PIK3C2G: variants seen among roughly 807,000 people sequenced by gnomAD.
PIK3C2G encodes phosphatidylinositol-4-phosphate 3-kinase catalytic subunit type 2 gamma, also known as phosphatidylinositol 3-kinase C2 domain-containing subunit gamma.
A neutral mutation model predicts 181.1 loss-of-function variants in PIK3C2G; 168 were observed. That is an observed-to-expected ratio of 0.93 (90% CI 0.82 to 1.05). The LOEUF is 1.05. Ranked by LOEUF, PIK3C2G falls within the 50% of genes least tolerant of loss-of-function variation. PIK3C2G has a pLI of 0.00. For synonymous variants in PIK3C2G, 573 were observed against 592.2 expected, an observed-to-expected ratio of 0.97 and a Z score of 0.47; for missense variants, 1,869 against 1,732.8, an observed-to-expected ratio of 1.08 and a Z score of -1.40.
At chr12:18,533,431 A>C (rs1943662523) in intron 24 of PIK3C2G, among the ~76,000 whole-genome samples, 1 of 151,974 alleles carries the variant, frequency 6.6e-6, no homozygotes, top group African/African-American at 2.4e-5. Context: ...TTTTCTCTGA[A>C]ATATGCTTTT....
At chr12:18,384,102 G>A (rs558787718) in intron 14 of PIK3C2G, among the ~76,000 whole-genome samples, 63 of 151,588 alleles carry the variant, frequency 4.2e-4, no homozygotes, top group South Asian at 1.3e-3. Flanking sequence ...GATTACAGGC[G>A]TGAGCCACTG....
intron 11 of PIK3C2G, among the ~76,000 whole-genome samples, chr12:18,355,710 G>A (rs544340513): frequency 8.7e-4 from 133 of 152,302 alleles, no homozygotes; most frequent in African/African-American, 3.1e-3. Flanking sequence ...GGGATGAGAA[G>A]GGAACCACCA....
At chr12:18,383,592 T>A (rs761604744) in intron 14 of PIK3C2G, among the ~76,000 whole-genome samples, 25 of 152,192 alleles carry the variant, frequency 1.6e-4, no homozygotes, top group Admixed American at 7.2e-4. Context: ...GAGTTGGCAG[T>A]TTCAAAATAT....
chr12:18,650,750 A>G (rs867123691), downstream of PIK3C2G, among the ~76,000 whole-genome samples: 24,202 of 82,022 alleles, frequency 0.3, 3,623 homozygotes, highest in East Asian at 0.42. Flanking sequence ...ATATATATAT[A>G]TATATATATA....
At chr12:18,512,605 A>G (rs1353899275) in intron 24 of PIK3C2G, among the ~76,000 whole-genome samples, 1 of 151,836 alleles carries the variant, frequency 6.6e-6, no homozygotes, top group Non-Finnish European at 1.5e-5. Context: ...ATAGTTCATT[A>G]TTAGTATATA....
chr12:18,559,821 T>TAGAGAGAGAGAGAGAGAGAG (rs1171468138), intron 26 of PIK3C2G, among the ~76,000 whole-genome samples: 2 of 18,366 alleles, frequency 1.1e-4, no homozygotes, highest in African/African-American at 2.0e-4. Context: ...TATATATATA[T>TAGAGAGAGAGAGAGAGAGAG]AGAGAGAGAG....
chr12:18,518,835 T>C lies in PIK3C2G; in HGVS notation c.3323+13374T>C, dbSNP rs553976506. Among the ~76,000 whole-genome samples the C allele has an allele frequency of 1.9e-3, 288 of 152,298 alleles. 3 individuals are homozygous for C. The Middle Eastern group carries it at 0.034, about 18-fold the overall frequency. Reference sequence around the variant, plus strand: ...TTTAATTGTGATGTTAGAGTGCTGATGTGAGATATTTCCAGCTTTCTGATG... The same window carrying C: ...TTTAATTGTGATGTTAGAGTGCTGACGTGAGATATTTCCAGCTTTCTGATG... On this transcript the variant is annotated intron_variant, in intron 24 of 32. Transcript: ENST00000538779.
At chr12:18,434,095 T>A (rs999635892) in intron 18 of PIK3C2G, among the ~76,000 whole-genome samples, 1 of 152,186 alleles carries the variant, frequency 6.6e-6, no homozygotes, top group Non-Finnish European at 1.5e-5. Context: ...GCTAGCAGGT[T>A]TGGTGTCTGG....
chr12:18,468,248 A>G (rs1938111811), intron 18 of PIK3C2G, among the ~76,000 whole-genome samples: 1 of 152,050 alleles, frequency 6.6e-6, no homozygotes, highest in Non-Finnish European at 1.5e-5. Context: ...ACAAGAACTG[A>G]GATTGCTGGT....
intron 31 of PIK3C2G, among the ~76,000 whole-genome samples, chr12:18,622,845 G>A (rs1948924969): frequency 2.6e-5 from 4 of 151,862 alleles, no homozygotes; most frequent in African/African-American, 9.6e-5. Flanking sequence ...CCATTCATAG[G>A]TCTTCTTTTG....
chr12:18,303,167 T>TCTTTC (rs2137309932), intron 5 of PIK3C2G, among the ~76,000 whole-genome samples: 1 of 148,426 alleles, frequency 6.7e-6, no homozygotes, highest in Admixed American at 6.7e-5. Context: ...TTCTCTTTCT[T>TCTTTC]TCTTTCTCTT....
chr12:18,698,491 G>C, the PIK3C2G span, among the ~76,000 whole-genome samples: 4 of 151,964 alleles, frequency 2.6e-5, no homozygotes, highest in Non-Finnish European at 4.4e-5. Flanking sequence ...AAAATCTTTG[G>C]GTATCTATGA....
intron 30 of PIK3C2G, among the ~76,000 whole-genome samples, chr12:18,605,805 G>A (rs1947983430): frequency 6.6e-6 from 1 of 152,004 alleles, no homozygotes; most frequent in Non-Finnish European, 1.5e-5. Context: ...TTATGTTGTA[G>A]CCGCCTTTCT....
downstream of PIK3C2G, among the ~76,000 whole-genome samples, chr12:18,650,708 A>C (rs1015136959): frequency 1.3e-4 from 1 of 7,792 alleles, no homozygotes; most frequent in East Asian, 5.0e-3. Flanking sequence ...GTGTGTGTAT[A>C]TATCTATATA....
At chr12:18,591,102 C>G (rs1273824064) in intron 29 of PIK3C2G, among the ~76,000 whole-genome samples, 2 of 151,884 alleles carry the variant, frequency 1.3e-5, no homozygotes, top group Non-Finnish European at 2.9e-5. Context: ...TGATTTTATG[C>G]TTTCAAAATA....
intron 18 of PIK3C2G, among the ~76,000 whole-genome samples, chr12:18,473,049 A>C (rs1938603180): frequency 6.6e-6 from 1 of 152,068 alleles, no homozygotes; most frequent in African/African-American, 2.4e-5. Context: ...AAGGTTCATT[A>C]GAGCTCTCTC....
At chr12:18,629,611 A>G (rs1463503818) in intron 31 of PIK3C2G, among the ~76,000 whole-genome samples, 1 of 152,196 alleles carries the variant, frequency 6.6e-6, no homozygotes, top group East Asian at 1.9e-4. Flanking sequence ...AAAGAAGGGT[A>G]GTTGGCGTGT....
rs924882993 is a variant in PIK3C2G at position 18,570,334 on chromosome 12, C to A, written c.4011+3277C>A. Among the ~76,000 whole-genome samples, 9 of 151,006 alleles carry A rather than the reference C, an allele frequency of 6.0e-5. 2 individuals are homozygous for A. Among genetic ancestry groups the A allele is most frequent in the African/African-American group, 1.5e-4 (6 of 40,632 alleles). On this transcript the variant is annotated intron_variant, in intron 29 of 32. Coordinates refer to ENST00000538779, the MANE Select transcript of PIK3C2G (RefSeq NM_001288772.2). ...AGCAATTCTCCCGCCTCAGCCTCCC[C>A]AGTAGCTGGGATTACAGGCGCCCAC...
the PIK3C2G span, among the ~76,000 whole-genome samples, chr12:18,716,576 T>C: frequency 1.3e-5 from 2 of 152,178 alleles, no homozygotes; most frequent in Non-Finnish European, 2.9e-5. Context: ...TTTATGATCA[T>C]TGTAAACCTT....
Sources: gnomAD v4.1 joint callset for allele counts (sites outside exome capture counted in the v4.1 genomes callset) on GRCh38, gnomAD v4.1.1 for gene constraint, MANE v1.5 for transcripts, NCBI Gene and HGNC (gene_info 2026-07-23, HGNC 2026-07-21) for gene names.